GPLD1: variants seen among roughly 807,000 people sequenced by gnomAD.
The protein encoded by GPLD1 is glycosylphosphatidylinositol specific phospholipase D1.
GPLD1 carries 84 observed loss-of-function variants against 112.6 expected under a neutral mutation model. The ratio of observed to expected loss-of-function variants is 0.75; its 90% confidence interval spans 0.63 to 0.89. GPLD1 has a LOEUF of 0.89. GPLD1 is among the 40% of genes least tolerant of loss of function. The pLI is 0.00. For missense variants in GPLD1, 1,044 were observed against 1,051.5 expected (o/e 0.99, Z 0.10); for synonymous variants, 386 against 403.8 (o/e 0.96, Z 0.53).
rs1762224435 is a variant in GPLD1, at chr6:24,425,995, C to T, written c.*3037G>A. 2 of 152,174 alleles carry T rather than the reference C, an allele frequency of 1.3e-5. No homozygotes were observed. Among genetic ancestry groups the T allele is most frequent in the Non-Finnish European group, 1.5e-5 (1 of 68,040 alleles). The allele number at this position is 152,174 out of a possible 1,614,324, so 9.4% of individuals were successfully genotyped here. On this transcript the variant is annotated 3_prime_UTR_variant, in exon 25 of 25. Transcript: ENST00000230036. ...TGGATGGTACATGGAGTAGGGACTG[C>T]AGAGACCCTAGTTTTGTCCCCACTC...
At chr6:24,495,046 C>A in exon 1 of GPLD1, 9 of 1,357,178 alleles carry the variant, frequency 6.6e-6, no homozygotes, top group South Asian at 4.2e-5. Flanking sequence ...CGCCTCGGGT[C>A]GACGTTTCCA....
At chr6:24,443,664 C>CTTGTTTTT (rs905410902) in intron 20 of GPLD1, among the ~76,000 whole-genome samples, 28 of 151,922 alleles carry the variant, frequency 1.8e-4, no homozygotes, top group African/African-American at 6.5e-4. Flanking sequence ...GCCTAATCCA[C>CTTGTTTTT]TTGTTTTTTT....
chr6:24,449,735 A>G (rs754410361), intron 15 of GPLD1, 54 bp downstream of exon 15: 2 of 1,241,022 alleles, frequency 1.6e-6, no homozygotes, highest in Non-Finnish European at 2.3e-6. Context: ...CCTCCCTCAG[A>G]GTCCCCTCCC....
At chr6:24,466,609 T>G (rs1264673916) in intron 10 of GPLD1, 71 bp downstream of exon 10, 6 of 1,281,602 alleles carry the variant, frequency 4.7e-6, no homozygotes, top group Non-Finnish European at 6.7e-6. Flanking sequence ...TTGAAAAACC[T>G]GAGAGTTATG....
chr6:24,438,393 G>A (rs1308913401), intron 20 of GPLD1, among the ~76,000 whole-genome samples: 1 of 152,208 alleles, frequency 6.6e-6, no homozygotes, highest in African/African-American at 2.4e-5. Flanking sequence ...GGGGCTAGTG[G>A]CCCTCTGAGA....
intron 21 of GPLD1, 128 bp downstream of exon 21, chr6:24,436,985 T>C: frequency 1.2e-6 from 1 of 841,612 alleles, no homozygotes; most frequent in Non-Finnish European, 1.9e-6. Context: ...TCATTCAAGA[T>C]CTGTCTAAAG....
intron 3 of GPLD1, among the ~76,000 whole-genome samples, chr6:24,479,590 ATC>A (rs1764134876): frequency 6.6e-6 from 1 of 152,166 alleles, no homozygotes; most frequent in South Asian, 2.1e-4. Flanking sequence ...AGACCTTTTG[ATC>A]TCTTGCAAAA....
At position 24,432,238 on chromosome 6, in the gene GPLD1, ACT is replaced by A. The variant is rs1205591966; in HGVS notation, c.2436+947_2436+948del. Reference sequence around the variant, plus strand: ...CTCCGGCCTAGGTGACAAGAGCCAGACTCTGTCTTAAAAAAAAAAAAAAAAAA... The same window carrying A: ...CTCCGGCCTAGGTGACAAGAGCCAGACTGTCTTAAAAAAAAAAAAAAAAAA... On this transcript the variant is annotated intron_variant, in intron 24 of 24. Transcript: ENST00000230036. Among the ~76,000 whole-genome samples the A allele has an allele frequency of 4.1e-5, 5 of 123,384 alleles. No homozygotes were observed. The East Asian group carries it at 8.5e-4, about 21-fold the overall frequency. The allele number at this position is 123,384 out of a possible 152,430, so 80.9% of individuals were successfully genotyped here. A position where few individuals can be genotyped will look rare whatever the true frequency, so the allele number is the denominator to read the frequency against.
upstream of GPLD1, among the ~76,000 whole-genome samples, chr6:24,491,529 T>G (rs141721181): frequency 6.6e-6 from 1 of 151,960 alleles, no homozygotes; most frequent in African/African-American, 2.4e-5. Flanking sequence ...CAAAATCCCG[T>G]CTCTACCAAG....
intron 10 of GPLD1, among the ~76,000 whole-genome samples, chr6:24,465,484 G>T (rs6917259): frequency 1.3e-5 from 2 of 151,936 alleles, no homozygotes; most frequent in African/African-American, 4.8e-5. Flanking sequence ...AGGTTGTAGC[G>T]AGCTGAGATA....
intron 2 of GPLD1, among the ~76,000 whole-genome samples, chr6:24,482,797 A>C (rs1258853361): frequency 1.3e-5 from 2 of 152,102 alleles, no homozygotes; most frequent in Admixed American, 1.3e-4. Flanking sequence ...TGTTTCTACA[A>C]AAAATTTAAA....
chr6:24,465,853 G>C (rs373569624), intron 10 of GPLD1, among the ~76,000 whole-genome samples: 1 of 152,214 alleles, frequency 6.6e-6, no homozygotes, highest in Non-Finnish European at 1.5e-5. Context: ...CTCATTTTAC[G>C]TTGGAGTGTG....
chr6:24,453,188 G>A lies in GPLD1; in HGVS notation c.1335+827C>T, dbSNP rs189461697. 1.2e-4 allele frequency among the ~76,000 whole-genome samples: 18 copies of A among 152,282 alleles called. No individual in the cohort carries two copies. In the East Asian group the frequency reaches 3.3e-3, roughly 28 times the overall value. ...TTAGGACAAAAGAAGGAAATCTAAAGAAAGCCTGGCGTTTAGTTAATAGTG... is the reference window on the plus strand; with the variant it reads ...TTAGGACAAAAGAAGGAAATCTAAAAAAAGCCTGGCGTTTAGTTAATAGTG... On this transcript the variant is annotated intron_variant, in intron 14 of 24. Transcript: ENST00000230036.
rs1399070963 is a variant in GPLD1, at chr6:24,475,561, C to T, written c.331-330G>A. Among the ~76,000 whole-genome samples, 6 of 139,306 alleles carry T rather than the reference C, an allele frequency of 4.3e-5. No individual in the cohort carries two copies. The East Asian group carries it at 8.4e-4, about 20-fold the overall frequency. The allele number at this position is 139,306 out of a possible 152,430, so 91.4% of individuals were successfully genotyped here. A position where few individuals can be genotyped will look rare whatever the true frequency, so the allele number is the denominator to read the frequency against. On this transcript the variant is annotated intron_variant, in intron 4 of 24. Transcript: ENST00000230036. ...TCTCAAAAAAAAAAAAAACCACACA[C>T]AGGCCGGGCGCAGTGGCTCACCCCT...
exon 1 of GPLD1, chr6:24,494,984 C>T: frequency 1.5e-6 from 2 of 1,312,594 alleles, no homozygotes; most frequent in Non-Finnish European, 1.9e-6. Flanking sequence ...CTGTCGCCGT[C>T]GTTGCCCGGG....
At chr6:24,450,043 T>C (rs1420226073) in intron 14 of GPLD1, 144 bp from the exon 15 acceptor site, 37 of 586,728 alleles carry the variant, frequency 6.3e-5, no homozygotes, top group East Asian at 1.7e-4. Flanking sequence ...ATAACATATC[T>C]GCAACACATC....
At chr6:24,475,378 A>G in intron 4 of GPLD1, 147 bp from the exon 5 acceptor site, 1 of 615,960 alleles carries the variant, frequency 1.6e-6, no homozygotes, top group East Asian at 2.7e-5. Flanking sequence ...TCTAGTTATT[A>G]AAAACCACAT....
Position 24,454,132 on chromosome 6 carries a change from G to A in GPLD1, c.1218C>T (p.Ser406=), listed in dbSNP as rs1163934779. ...GCCCGATGTGGATGTGGCCGGGGCG[G>A]CTGTAGCCTGGTGCGCCCACCACGA... ...GDLVVGAPGY[S]RPGHIHIGRV... is the part of the protein sequence containing the mutation. The change falls in exon 14 of 25, where the codon AGC becomes AGT. Residue 406 remains serine (S), a synonymous_variant. Transcript: ENST00000230036. The A allele has an allele frequency of 1.2e-6, 2 of 1,613,806 alleles. No individual in the cohort carries two copies. The highest frequency in any genetic ancestry group is 2.7e-5 in the African/African-American group (2 of 74,922).
upstream of GPLD1, among the ~76,000 whole-genome samples, chr6:24,491,258 G>C (rs952653115): frequency 5.3e-5 from 8 of 152,200 alleles, no homozygotes; most frequent in African/African-American, 1.7e-4. Flanking sequence ...CTGTGCGTGA[G>C]GGAGTCACAA....
Sources: allele counts gnomAD v4.1 joint callset (sites outside exome capture counted in the v4.1 genomes callset), GRCh38; gene constraint gnomAD v4.1.1; transcripts MANE v1.5; gene names NCBI Gene and HGNC (gene_info 2026-07-23, HGNC 2026-07-21).